The following WDCP variants were observed in gnomAD, a reference collection of about 807,000 sequenced individuals.
The protein encoded by WDCP is WD repeat and coiled-coil-containing protein.
In WDCP, 19 loss-of-function variants were observed where a neutral mutation model predicts 41.6. The observed-to-expected ratio is 0.46, with a 90% CI of 0.32 to 0.67. The LOEUF is 0.67. Among genes scored for constraint, WDCP ranks in the 30% least tolerant of loss-of-function variants. The probability of loss-of-function intolerance (pLI) is 0.04; values close to 1 mark genes in which losing one functional copy is unlikely to be tolerated. For missense variants in WDCP, 802 were observed against 850.7 expected, an observed-to-expected ratio of 0.94 and a Z score of 0.71; for synonymous variants, 302 against 320.8, an observed-to-expected ratio of 0.94 and a Z score of 0.63.
chr2:24,044,306 G>A (rs1209550260), intron 1 of WDCP, among the ~76,000 whole-genome samples: 2 of 151,996 alleles, frequency 1.3e-5, no homozygotes, highest in South Asian at 2.1e-4. Flanking sequence ...GTCTTGCTCC[G>A]TTACCCAGGC....
intron 2 of WDCP, among the ~76,000 whole-genome samples, chr2:24,036,238 G>T (rs970713833): frequency 6.6e-6 from 1 of 151,976 alleles, no homozygotes; most frequent in Admixed American, 6.6e-5. Flanking sequence ...ACATGCAGTG[G>T]CACACACCTG....
chr2:24,035,228 GA>G (rs1420879079), intron 2 of WDCP, among the ~76,000 whole-genome samples: 3 of 151,692 alleles, frequency 2.0e-5, no homozygotes, highest in African/African-American at 7.2e-5. Context: ...TGGAAAAAAA[GA>G]TGAAAAAAGA....
intron 1 of WDCP, among the ~76,000 whole-genome samples, chr2:24,042,752 G>T (rs749313875): frequency 1.1e-4 from 17 of 150,902 alleles, no homozygotes; most frequent in Non-Finnish European, 2.4e-4. Flanking sequence ...CTGGGCCAGA[G>T]CCAGGCGCGG....
rs3731620 is a variant in WDCP at position 24,039,190 on chromosome 2, G to A, written c.305C>T (p.Thr102Met). The A allele has an allele frequency of 0.14, 219,907 of 1,614,076 alleles. 16,096 individuals carry two copies. The highest frequency in any genetic ancestry group is 0.18 in the South Asian group (16,194 of 91,074). The change falls in exon 2 of 4, where the codon ACG becomes ATG. Residue 102 changes from threonine (T) to methionine (M), a missense_variant. This residue lies in a region of WDCP where 214 missense variants were observed against 252.9 expected (regional missense o/e 0.85). Transcript: ENST00000295148. ...PSPMESSKWL[T>M]SQTCEIRGSL... is the part of the protein sequence containing the mutation. The stretch of plus-strand genomic sequence containing the variant: ...TCCTCTAATCTCACAAGTCTGAGAC[G>A]TCAGCCATTTGCTTGACTCCATAGG...
Position 24,038,617 on chromosome 2 carries a change from T to C in WDCP, c.878A>G (p.His293Arg), listed in dbSNP as rs747118797. The change falls in exon 2 of 4, where the codon CAT becomes CGT. Residue 293 changes from histidine to arginine, a missense_variant. By Grantham distance (29) the His-to-Arg change is conservative. This residue lies in a region of WDCP where 247 missense variants were observed against 240.5 expected (regional missense o/e 1.03). Coordinates refer to ENST00000295148, the MANE Select transcript of WDCP (RefSeq NM_025203.3). ...AATAAGAGAATTACCCTCAGACTTA[T>C]GTTGATTGAAATGTATGTGAGTTAG... is the stretch of plus-strand genomic sequence containing the variant. ...LDLTHIHFNQHKSEGNSLICL... is the reference protein window; with the variant it reads ...LDLTHIHFNQRKSEGNSLICL... 5.6e-6 allele frequency: 9 copies of C among 1,614,170 alleles called. No homozygotes were observed. The highest frequency in any genetic ancestry group is 1.6e-4 in the Middle Eastern group (1 of 6,062).
At chr2:24,031,231 A>G in intron 3 of WDCP, 69 bp from the exon 4 acceptor site, 5 of 1,234,914 alleles carry the variant, frequency 4.0e-6, no homozygotes, top group Non-Finnish European at 5.7e-6. Context: ...TATGACTACA[A>G]ATTTTTTTTT....
rs768603464 is a variant in WDCP at position 24,039,480 on chromosome 2, T to G, written c.15A>C (p.Lys5Asn). 6.2e-7 allele frequency: 1 copy of G among 1,611,450 alleles called. No individual in the cohort carries two copies. Among genetic ancestry groups the G allele is most frequent in the Non-Finnish European group, 8.5e-7 (1 of 1,177,696 alleles). Reference sequence around the variant, plus strand: ...TCAGTCCAGTCCTGAGTAGTTTTCCTTTTCCCAACTCCATCCTTTTGATAA... The same window carrying G: ...TCAGTCCAGTCCTGAGTAGTTTTCCGTTTCCCAACTCCATCCTTTTGATAA... Reference protein sequence around the residue: MELGKGKLLRTGLNA... With the variant: MELGNGKLLRTGLNA... The change falls in exon 2 of 4, where the codon AAA becomes AAC. Residue 5 changes from lysine to asparagine, a missense_variant. Lys to Asn is a moderately conservative substitution (Grantham distance 94). Coordinates refer to ENST00000295148, the MANE Select transcript of WDCP (RefSeq NM_025203.3).
chr2:24,037,717 G>A lies in WDCP; in HGVS notation c.1778C>T (p.Pro593Leu), dbSNP rs761425312. The A allele has an allele frequency of 6.2e-7, 1 of 1,613,798 alleles. No homozygotes were observed. Reference sequence around the variant, plus strand: ...AACATAAGGAAGATCTTGAGAGAGTGGATACACTGAAGAGGATTTCTTCCC... The same window carrying A: ...AACATAAGGAAGATCTTGAGAGAGTAGATACACTGAAGAGGATTTCTTCCC... Reference protein sequence around the residue: ...HNGKKSSSVYPLSQDLPYVHI... With the variant: ...HNGKKSSSVYLLSQDLPYVHI... Residue 593 changes from proline to leucine, a missense_variant, in exon 2 of 4, where the codon CCA (proline) becomes CTA (leucine). This residue lies in a region of WDCP where 321 missense variants were observed against 305.1 expected (regional missense o/e 1.05). Coordinates refer to ENST00000295148, the MANE Select transcript of WDCP (RefSeq NM_025203.3).
chr2:24,034,562 A>G (rs1663183952), intron 2 of WDCP, among the ~76,000 whole-genome samples: 1 of 144,998 alleles, frequency 6.9e-6, no homozygotes, highest in Admixed American at 7.7e-5. Context: ...AGGAATTGAA[A>G]GGGCAACAAA....
chr2:24,043,547 G>A (rs578143035), intron 1 of WDCP, among the ~76,000 whole-genome samples: 1 of 152,240 alleles, frequency 6.6e-6, no homozygotes, highest in African/African-American at 2.4e-5. Context: ...CATATATAAA[G>A]TGATGTTTAA....
Position 24,038,475 on chromosome 2 carries a change from C to G in WDCP, c.1020G>C (p.Leu340=), listed in dbSNP as rs1207018519. 5.6e-6 allele frequency: 9 copies of G among 1,614,216 alleles called. No individual in the cohort carries two copies. The South Asian group carries it at 9.9e-5, about 18-fold the overall frequency. Residue 340 remains leucine, a synonymous_variant, in exon 2 of 4, where the codon CTG becomes CTC. Coordinates refer to ENST00000295148, the MANE Select transcript of WDCP (RefSeq NM_025203.3). The part of the protein sequence containing the change: ...MTRKVTIPGI[L]VPDLIAFNLK... ...GATTAAATGCTATCAGATCAGGAAC[C>G]AGAATGCCTGGAATAGTGACTTTTC...
Position 24,029,392 on chromosome 2 carries a change from C to T in WDCP, c.*1541G>A, listed in dbSNP as rs1242889314. 6.6e-6 allele frequency: 1 copy of T among 152,182 alleles called. No individual in the cohort carries two copies. Among genetic ancestry groups the T allele is most frequent in the Non-Finnish European group, 1.5e-5 (1 of 68,046 alleles). The allele number at this position is 152,182 out of a possible 1,614,324, so 9.4% of individuals were successfully genotyped here. On this transcript the variant is annotated 3_prime_UTR_variant, in exon 4 of 4. Coordinates refer to ENST00000295148, the MANE Select transcript of WDCP (RefSeq NM_025203.3). ...GAAGACTTATTCACAGTATTTTGAC[C>T]TGAGAAATGGTGATTTTAACATACC...
intron 2 of WDCP, among the ~76,000 whole-genome samples, chr2:24,035,681 G>A (rs1663222703): frequency 1.3e-5 from 2 of 152,050 alleles, no homozygotes; most frequent in Admixed American, 1.3e-4. Context: ...TTGGGAGGCT[G>A]AAGCAGGAGG....
intron 1 of WDCP, among the ~76,000 whole-genome samples, chr2:24,040,272 G>T (rs1277737615): frequency 6.6e-6 from 1 of 152,140 alleles, no homozygotes; most frequent in Non-Finnish European, 1.5e-5. Context: ...CACACAGAAA[G>T]AAAACAAATG....
intron 1 of WDCP, among the ~76,000 whole-genome samples, chr2:24,045,557 C>T (rs1239659643): frequency 2.1e-5 from 3 of 142,744 alleles, no homozygotes; most frequent in Non-Finnish European, 4.5e-5. Flanking sequence ...GCCGAGTTTG[C>T]GCCACTGCAC....
At chr2:24,032,717 C>T (rs1412253801) in intron 3 of WDCP, 112 bp downstream of exon 3, 1 of 712,104 alleles carries the variant, frequency 1.4e-6, no homozygotes, top group African/African-American at 1.8e-5. Context: ...TGTTAACTAT[C>T]CAGTGAATTA....
At chr2:24,040,108 T>G (rs987124668) in intron 1 of WDCP, among the ~76,000 whole-genome samples, 2 of 152,088 alleles carry the variant, frequency 1.3e-5, no homozygotes, top group African/African-American at 2.4e-5. Flanking sequence ...GCCAGAGTTA[T>G]TAATTTTCTT....
At chr2:24,044,066 T>G (rs1663536577) in intron 1 of WDCP, among the ~76,000 whole-genome samples, 1 of 152,160 alleles carries the variant, frequency 6.6e-6, no homozygotes, top group Non-Finnish European at 1.5e-5. Context: ...TTATGTACTT[T>G]AAAAAGAATT....
At chr2:24,042,495 C>G (rs111911450) in intron 1 of WDCP, among the ~76,000 whole-genome samples, 1 of 145,542 alleles carries the variant, frequency 6.9e-6, no homozygotes, top group African/African-American at 2.6e-5. Context: ...GAGATCGCAC[C>G]ACTGCACTCC....
Sources: allele counts gnomAD v4.1 joint callset (sites outside exome capture counted in the v4.1 genomes callset), GRCh38; gene constraint gnomAD v4.1.1; regional missense constraint gnomAD v4.1.1; transcripts MANE v1.5; gene names NCBI Gene and HGNC (gene_info 2026-07-23, HGNC 2026-07-21).